GALNT17: variants seen among roughly 807,000 people sequenced by gnomAD.
The protein encoded by GALNT17 is UDP-GalNAc:polypeptide N-acetylgalactosaminyltransferase-like 3.
A neutral mutation model predicts 63.7 loss-of-function variants in GALNT17; 29 were observed. That is an observed-to-expected ratio of 0.46 (90% CI 0.34 to 0.62). GALNT17 has a LOEUF of 0.62. Ranked by LOEUF, GALNT17 falls within the 20% of genes least tolerant of loss-of-function variation. The probability of loss-of-function intolerance (pLI) is 0.01; values close to 1 mark genes in which losing one functional copy is unlikely to be tolerated. For synonymous variants in GALNT17, 305 were observed against 318.3 expected (o/e 0.96, Z 0.45); for missense variants, 603 against 799.6 (o/e 0.75, Z 2.97).
chr7:71,520,239 CTA>C (rs770736684), intron 5 of GALNT17, among the ~76,000 whole-genome samples: 48 of 152,186 alleles, frequency 3.2e-4, no homozygotes, highest in Middle Eastern at 6.8e-3. Flanking sequence ...TGCTAGAATT[CTA>C]TGTTAAAAAG....
At chr7:71,405,671 C>T (rs1301543055) in intron 3 of GALNT17, among the ~76,000 whole-genome samples, 1 of 152,096 alleles carries the variant, frequency 6.6e-6, no homozygotes, top group East Asian at 1.9e-4. Flanking sequence ...TGGTGAGGGC[C>T]TAGTCCTCAT....
chr7:71,646,509 C>A (rs1363937879), intron 6 of GALNT17, among the ~76,000 whole-genome samples: 16 of 152,244 alleles, frequency 1.1e-4, no homozygotes, highest in Admixed American at 2.0e-4. Flanking sequence ...GCTATTTTCT[C>A]ACTCTCTATT....
At chr7:71,671,065 A>C (rs984061160) in intron 8 of GALNT17, among the ~76,000 whole-genome samples, 3 of 150,876 alleles carry the variant, frequency 2.0e-5, no homozygotes, top group Non-Finnish European at 4.4e-5. Flanking sequence ...TCAGTAATTA[A>C]TGGCCGCACA....
intron 1 of GALNT17, among the ~76,000 whole-genome samples, chr7:71,156,156 A>G (rs1171149773): frequency 6.6e-6 from 1 of 151,512 alleles, no homozygotes; most frequent in Admixed American, 6.6e-5. Context: ...AGATCGTGCC[A>G]TTGCACTCCA....
intron 1 of GALNT17, among the ~76,000 whole-genome samples, chr7:71,152,120 G>A (rs758767021): frequency 5.9e-5 from 9 of 151,782 alleles, no homozygotes; most frequent in Non-Finnish European, 1.0e-4. Flanking sequence ...GTGCCTACCC[G>A]TCTTCCTGCA....
intron 6 of GALNT17, among the ~76,000 whole-genome samples, chr7:71,599,423 C>T (rs1001266499): frequency 6.6e-6 from 1 of 152,192 alleles, no homozygotes; most frequent in Admixed American, 6.5e-5. Flanking sequence ...GTGAGCCTCA[C>T]TTGCTGTGAA....
intron 5 of GALNT17, among the ~76,000 whole-genome samples, chr7:71,497,675 A>G (rs1054081190): frequency 1.3e-5 from 2 of 152,210 alleles, no homozygotes; most frequent in Non-Finnish European, 2.9e-5. Context: ...GTGTGCTTAC[A>G]TGGGGAAGTG....
intron 2 of GALNT17, among the ~76,000 whole-genome samples, chr7:71,358,573 T>C (rs1324155737): frequency 6.6e-6 from 1 of 152,156 alleles, no homozygotes; most frequent in Non-Finnish European, 1.5e-5. Flanking sequence ...AGATTTTCCT[T>C]GCGCTCTGTA....
intron 6 of GALNT17, among the ~76,000 whole-genome samples, chr7:71,632,513 C>T (rs1053179355): frequency 2.0e-5 from 3 of 152,174 alleles, no homozygotes; most frequent in South Asian, 2.1e-4. Flanking sequence ...GTGATATCTA[C>T]GACCAAGCTC....
At chr7:71,420,835 A>G (rs1404477853) in intron 4 of GALNT17, 73 bp from the exon 5 acceptor site, 5 of 1,560,580 alleles carry the variant, frequency 3.2e-6, no homozygotes, top group East Asian at 2.2e-5. Flanking sequence ...AATGCTGTTC[A>G]TTCCGTGTGG....
chr7:71,604,140 G>A (rs1790010789), intron 6 of GALNT17, among the ~76,000 whole-genome samples: 1 of 152,160 alleles, frequency 6.6e-6, no homozygotes, highest in Non-Finnish European at 1.5e-5. Flanking sequence ...CAGGTACTAT[G>A]CTAAGTGCAT....
intron 1 of GALNT17, among the ~76,000 whole-genome samples, chr7:71,220,102 C>T (rs1036751712): frequency 9.8e-5 from 15 of 152,314 alleles, no homozygotes; most frequent in African/African-American, 2.2e-4. Context: ...AGAACAAATA[C>T]GTTCAGGGTT....
At chr7:71,259,012 A>C (rs1327094303) in intron 1 of GALNT17, among the ~76,000 whole-genome samples, 1 of 152,122 alleles carries the variant, frequency 6.6e-6, no homozygotes, top group Admixed American at 6.6e-5. Flanking sequence ...ATGAGGCTGG[A>C]GAGGGGACCT....
intron 9 of GALNT17, among the ~76,000 whole-genome samples, chr7:71,710,306 G>A (rs537985490): frequency 1.3e-5 from 2 of 152,228 alleles, no homozygotes; most frequent in South Asian, 4.2e-4. Context: ...TCAGGAGTTC[G>A]AGACCAGCCT....
At chr7:71,543,979 GAC>G (rs982026875) in intron 5 of GALNT17, among the ~76,000 whole-genome samples, 18 of 151,634 alleles carry the variant, frequency 1.2e-4, no homozygotes. Context: ...TTTTGGTAGA[GAC>G]GGAGTTTCAC....
chr7:71,134,008 C>T (rs1787736125), intron 1 of GALNT17, among the ~76,000 whole-genome samples: 1 of 152,242 alleles, frequency 6.6e-6, no homozygotes, highest in African/African-American at 2.4e-5. Flanking sequence ...AATTCTTGCT[C>T]TGTGCCAGAT....
intron 1 of GALNT17, among the ~76,000 whole-genome samples, chr7:71,293,042 T>C (rs9690574): frequency 6.6e-6 from 1 of 151,676 alleles, no homozygotes; most frequent in East Asian, 2.0e-4. Context: ...TGTTGAAGGG[T>C]GAATGCTATT....
intron 5 of GALNT17, among the ~76,000 whole-genome samples, chr7:71,505,686 G>T (rs1043534744): frequency 6.6e-6 from 1 of 152,170 alleles, no homozygotes; most frequent in African/African-American, 2.4e-5. Flanking sequence ...GGAAGGCCAT[G>T]TGCTTCTCCT....
At chr7:71,337,919 A>G (rs1439532120) in intron 2 of GALNT17, among the ~76,000 whole-genome samples, 1 of 152,014 alleles carries the variant, frequency 6.6e-6, no homozygotes, top group Non-Finnish European at 1.5e-5. Flanking sequence ...CTTGGGGCTG[A>G]GTATGGTGGC....
Sources: allele counts gnomAD v4.1 joint callset (sites outside exome capture counted in the v4.1 genomes callset), GRCh38; gene constraint gnomAD v4.1.1; transcripts MANE v1.5; gene names NCBI Gene and HGNC (gene_info 2026-07-23, HGNC 2026-07-21).